Variants in RAE1 observed in about 807,000 individuals in gnomAD.
The protein encoded by RAE1 is ribonucleic acid export 1.
Under a neutral mutation model 52.7 loss-of-function variants are expected in RAE1, and 13 were observed. That is an observed-to-expected ratio of 0.25 (90% CI 0.16 to 0.39). RAE1 has a LOEUF of 0.39. Ranked by LOEUF, RAE1 falls within the 10% of genes least tolerant of loss-of-function variation. The pLI is 1.00. For missense variants in RAE1, 262 were observed against 459.8 expected, an observed-to-expected ratio of 0.57 and a Z score of 3.93; for synonymous variants, 164 against 153.1, an observed-to-expected ratio of 1.07 and a Z score of -0.52.
chr20:57,372,049 A>T (rs1224447583), intron 8 of RAE1: 2 of 151,694 alleles, frequency 1.3e-5, no homozygotes, highest in African/African-American at 2.4e-5. Context: ...AATCAATGGG[A>T]TGAAATTTCA....
chr20:57,371,968 A>T (rs553144313), intron 8 of RAE1: 1 of 152,392 alleles, frequency 6.6e-6, no homozygotes, highest in Admixed American at 6.5e-5. Context: ...TATCCAGCAT[A>T]GACTCACAGA....
At chr20:57,351,891 G>A (rs2066715380) in intron 1 of RAE1, 1 of 985,400 alleles carries the variant, frequency 1.0e-6, no homozygotes, top group Non-Finnish European at 1.2e-6. Context: ...ACGTATATAG[G>A]TGCCACCGTA....
chr20:57,375,951 A>G (rs991462567), intron 11 of RAE1, among the ~76,000 whole-genome samples: 1 of 152,030 alleles, frequency 6.6e-6, no homozygotes, highest in African/African-American at 2.4e-5. Context: ...GCCCCCCGCT[A>G]TCTCAGCCTG....
chr20:57,359,736 G>T (rs371452898), intron 4 of RAE1: 6 of 152,222 alleles, frequency 3.9e-5, no homozygotes, highest in African/African-American at 1.4e-4. Flanking sequence ...TGGGTAGCTC[G>T]TCTGGTTTCG....
chr20:57,374,283 C>T (rs997715449), intron 10 of RAE1, among the ~76,000 whole-genome samples: 3 of 152,188 alleles, frequency 2.0e-5, no homozygotes, highest in Non-Finnish European at 4.4e-5. Flanking sequence ...CCCTCAGGAG[C>T]GCTGGTAGAC....
intron 1 of RAE1, among the ~76,000 whole-genome samples, chr20:57,353,822 C>T (rs1240944912): frequency 6.6e-6 from 1 of 152,152 alleles, no homozygotes; most frequent in African/African-American, 2.4e-5. Flanking sequence ...TATGGGAATT[C>T]TATCTTTACT....
At chr20:57,368,853 T>G (rs370093200) in intron 8 of RAE1, 41 bp downstream of exon 8, 2 of 1,485,592 alleles carry the variant, frequency 1.3e-6, no homozygotes, top group African/African-American at 2.8e-5. Flanking sequence ...ATTTAGCACC[T>G]GTTGTATGCA....
intron 2 of RAE1, 91 bp downstream of exon 2, chr20:57,354,219 CTT>C: frequency 9.1e-7 from 1 of 1,096,576 alleles, no homozygotes; most frequent in Non-Finnish European, 1.3e-6. Context: ...TGGGAGCCTC[CTT>C]TAGGCTGAAA....
At chr20:57,375,866 C>T (rs566047620) in intron 11 of RAE1, among the ~76,000 whole-genome samples, 35 of 152,342 alleles carry the variant, frequency 2.3e-4, no homozygotes, top group Non-Finnish European at 3.1e-4. Flanking sequence ...TTGGCCATGT[C>T]CTGGTTTATT....
chr20:57,354,758 C>G lies in RAE1; in HGVS notation c.137C>G (p.Ser46Cys). ...SSPDDSIGCL[S>C]FSPPTLPGNF... ...CCTGATGATAGCATTGGTTGTCTGT[C>G]TTTTAGCCCACCAACCTTGCCGGGG... Residue 46 changes from serine (S) to cysteine (C), a missense_variant, in exon 3 of 12, where the codon TCT (serine) becomes TGT (cysteine). Physicochemically the swap from Ser to Cys is moderately radical, Grantham distance 112. Coordinates refer to ENST00000395841, the MANE Select transcript of RAE1 (RefSeq NM_003610.4). 6.2e-7 allele frequency: 1 copy of G among 1,604,330 alleles called. No homozygotes were observed. Among genetic ancestry groups the G allele is most frequent in the South Asian group, 1.1e-5 (1 of 89,732 alleles).
chr20:57,378,117 T>C lies in RAE1; in HGVS notation c.*18T>C. On this transcript the variant is annotated 3_prime_UTR_variant, in exon 12 of 12. Transcript: ENST00000395841. The stretch of plus-strand genomic sequence containing the variant: ...AGAAGTAGTGGCTGGAGACTCTGGC[T>C]CAGCCAGAGTTGTTTCTCTCCACTC... 1.3e-6 allele frequency: 2 copies of C among 1,578,272 alleles called. No homozygotes were observed. Among genetic ancestry groups the C allele is most frequent in the Non-Finnish European group, 8.7e-7 (1 of 1,153,046 alleles).
chr20:57,361,851 C>G (rs2066896347), intron 4 of RAE1, among the ~76,000 whole-genome samples: 2 of 152,214 alleles, frequency 1.3e-5, no homozygotes, highest in Non-Finnish European at 2.9e-5. Flanking sequence ...GGTCCCCAAC[C>G]CCCAGGCTGT....
intron 11 of RAE1, among the ~76,000 whole-genome samples, chr20:57,377,517 G>T (rs539902510): frequency 6.6e-6 from 1 of 152,162 alleles, no homozygotes; most frequent in Admixed American, 6.5e-5. Flanking sequence ...CCGGGCAGAC[G>T]TGCACACCTC....
intron 8 of RAE1, chr20:57,373,195 T>G: frequency 2.6e-5 from 11 of 420,310 alleles, no homozygotes; most frequent in East Asian, 1.0e-4. Flanking sequence ...TCGCAGCCCA[T>G]GGGGCTCTGC....
chr20:57,375,883 T>C (rs1025410958), intron 11 of RAE1, among the ~76,000 whole-genome samples: 13 of 152,220 alleles, frequency 8.5e-5, no homozygotes, highest in African/African-American at 3.1e-4. Flanking sequence ...TATTCTGCTT[T>C]GGGCTGTGGT....
chr20:57,366,934 T>C (rs1396061510), intron 6 of RAE1, 41 bp downstream of exon 6: 2 of 1,586,536 alleles, frequency 1.3e-6, no homozygotes, highest in South Asian at 2.2e-5. Flanking sequence ...CCCATCAGGA[T>C]TGTCATTTAT....
intron 5 of RAE1, 87 bp downstream of exon 5, chr20:57,365,529 A>C: frequency 1.0e-6 from 1 of 957,990 alleles, no homozygotes; most frequent in Non-Finnish European, 1.5e-6. Flanking sequence ...TTATAATTAT[A>C]ATAAGAAAAC....
Position 57,366,959 on chromosome 20 carries a change from G to C in RAE1, c.463-49G>C, listed in dbSNP as rs545594892. ...TTGTCATTTATTTTTGCACCATTTCGACTTCTGCTCTGAATGGTCACATAC... is the reference window on the plus strand; with the variant it reads ...TTGTCATTTATTTTTGCACCATTTCCACTTCTGCTCTGAATGGTCACATAC... On this transcript the variant is annotated intron_variant, in intron 6 of 11. Coordinates refer to ENST00000395841, the MANE Select transcript of RAE1 (RefSeq NM_003610.4). 6.5e-5 allele frequency: 103 copies of C among 1,585,390 alleles called. 4 individuals are homozygous for C. In the South Asian group the frequency reaches 1.1e-3, roughly 17 times the overall value.
intron 4 of RAE1, among the ~76,000 whole-genome samples, chr20:57,363,910 A>T (rs1226783095): frequency 1.3e-5 from 2 of 152,196 alleles, no homozygotes; most frequent in Non-Finnish European, 2.9e-5. Flanking sequence ...TTAAACCTAC[A>T]CGGAAGGATT....
Sources: allele counts gnomAD v4.1 joint callset (sites outside exome capture counted in the v4.1 genomes callset), GRCh38; gene constraint gnomAD v4.1.1; transcripts MANE v1.5; gene names NCBI Gene and HGNC (gene_info 2026-07-23, HGNC 2026-07-21).